The following PARP16 variants were observed in gnomAD, a reference collection of about 807,000 sequenced individuals.
PARP16 encodes the protein protein mono-ADP-ribosyltransferase PARP16.
Under a neutral mutation model 35.0 loss-of-function variants are expected in PARP16, and 31 were observed. The ratio of observed to expected loss-of-function variants is 0.88; its 90% CI spans 0.66 to 1.19. The LOEUF is 1.19. Ranked by LOEUF, PARP16 falls within the 50% of genes most tolerant of loss-of-function variation. The probability of loss-of-function intolerance (pLI) is 0.00; values close to 1 mark genes in which losing one functional copy is unlikely to be tolerated. For missense variants in PARP16, 424 were observed against 411.2 expected (o/e 1.03, Z -0.27); for synonymous variants, 162 against 169.5 (o/e 0.96, Z 0.34).
intron 3 of PARP16, among the ~76,000 whole-genome samples, chr15:65,236,852 G>A (rs1012923513): frequency 6.6e-6 from 1 of 151,780 alleles, no homozygotes; most frequent in African/African-American, 2.4e-5. Flanking sequence ...GGCACCTGTA[G>A]TCCCAGCTAC....
At chr15:65,250,162 G>A (rs1195279748) in intron 2 of PARP16, among the ~76,000 whole-genome samples, 1 of 136,606 alleles carries the variant, frequency 7.3e-6, no homozygotes, top group African/African-American at 2.9e-5. Flanking sequence ...CTGTTATCCA[G>A]GCTGGAGTGC....
At position 65,266,644 on chromosome 15, in the gene PARP16, T is replaced by A; in HGVS notation, c.437A>T (p.Asp146Val). Residue 146 changes from aspartate to valine, a missense_variant, in exon 3 of 6, where the codon GAC becomes GTC. Physicochemically the swap from Asp to Val is radical, Grantham distance 152. Transcript: ENST00000649807. ...AKFYETKGER[D>V]LIYAFHGSRL... ...GCTACCATGAAATGCATAGATTAGG[T>A]CTCGTTCTCCTTTGGTCTCATAAAA... 1.9e-6 allele frequency: 3 copies of A among 1,614,128 alleles called. No homozygotes were observed. Among genetic ancestry groups the A allele is most frequent in the Non-Finnish European group, 2.5e-6 (3 of 1,179,996 alleles).
At position 65,286,476 on chromosome 15, in the gene PARP16, G is replaced by T. The variant is rs751375140; in HGVS notation, c.-50C>A. The T allele has an allele frequency of 3.5e-5, 47 of 1,347,304 alleles. No homozygotes were observed. Among genetic ancestry groups the T allele is most frequent in the Non-Finnish European group, 4.3e-5 (45 of 1,036,202 alleles). 83.5% of individuals were successfully genotyped at this position (1,347,304 alleles called of 1,614,324 possible). A position where few individuals can be genotyped will look rare whatever the true frequency, so the allele number is the denominator to read the frequency against. On this transcript the variant is annotated 5_prime_UTR_variant, in exon 1 of 6. Coordinates refer to ENST00000649807, the MANE Select transcript of PARP16 (RefSeq NM_001316943.2). ...GTAGACGCGCTGGTTAGGGGCAAGG[G>T]CGAGCGTGCGTTCAGCGCGGGGGCT...
At chr15:65,244,581 C>T (rs1360181473) in intron 3 of PARP16, among the ~76,000 whole-genome samples, 1 of 152,198 alleles carries the variant, frequency 6.6e-6, no homozygotes, top group Non-Finnish European at 1.5e-5. Flanking sequence ...GTCCCTCCCA[C>T]AACACATGGG....
intron 1 of PARP16, among the ~76,000 whole-genome samples, chr15:65,277,369 T>C (rs1447274232): frequency 6.6e-6 from 1 of 152,196 alleles, no homozygotes; most frequent in Non-Finnish European, 1.5e-5. Flanking sequence ...AACTCATATC[T>C]GGTTGGGACA....
downstream of PARP16, among the ~76,000 whole-genome samples, chr15:65,256,639 C>A (rs907845738): frequency 4.6e-5 from 7 of 152,012 alleles, no homozygotes; most frequent in Non-Finnish European, 8.8e-5. Flanking sequence ...AATCTCCTGA[C>A]GTCGTGATCC....
chr15:65,273,876 C>CAAA (rs5813343), intron 1 of PARP16, among the ~76,000 whole-genome samples: 14 of 137,272 alleles, frequency 1.0e-4, no homozygotes, highest in Admixed American at 1.5e-4. Context: ...AACTCTGTTT[C>CAAA]AAAAAAAAAA....
At chr15:65,257,472 A>T (rs1260368959), downstream of PARP16, among the ~76,000 whole-genome samples, 1 of 151,560 alleles carries the variant, frequency 6.6e-6, no homozygotes, top group Admixed American at 6.6e-5. Flanking sequence ...TAAAAATAAA[A>T]ATACAAAAAT....
chr15:65,237,215 C>T (rs1448629322), intron 3 of PARP16, among the ~76,000 whole-genome samples: 6 of 152,068 alleles, frequency 3.9e-5, no homozygotes, highest in Non-Finnish European at 8.8e-5. Context: ...CCTATACCTC[C>T]TTGCCTGAGA....
chr15:65,237,577 A>C (rs2088919521), intron 3 of PARP16, among the ~76,000 whole-genome samples: 1 of 152,106 alleles, frequency 6.6e-6, no homozygotes, highest in Non-Finnish European at 1.5e-5. Context: ...TAGTGTGACC[A>C]CAGAGAGGGA....
chr15:65,247,316 ATTATT>A (rs373366873), intron 3 of PARP16, among the ~76,000 whole-genome samples: 29 of 152,224 alleles, frequency 1.9e-4, no homozygotes, highest in African/African-American at 7.0e-4. Context: ...CTTTACACAC[ATTATT>A]TTATTTAATC....
At chr15:65,279,483 C>T (rs142801758) in intron 1 of PARP16, among the ~76,000 whole-genome samples, 1 of 152,122 alleles carries the variant, frequency 6.6e-6, no homozygotes. Flanking sequence ...TAGCTGATAT[C>T]TTTCTAGACA....
chr15:65,277,405 T>G (rs2090291114), intron 1 of PARP16, among the ~76,000 whole-genome samples: 1 of 152,192 alleles, frequency 6.6e-6, no homozygotes, highest in Non-Finnish European at 1.5e-5. Context: ...CAACCACATC[T>G]TACTTACCCT....
At chr15:65,263,966 G>T (rs1452893658) in intron 3 of PARP16, among the ~76,000 whole-genome samples, 1 of 151,946 alleles carries the variant, frequency 6.6e-6, no homozygotes, top group African/African-American at 2.4e-5. Flanking sequence ...ACTTGGAAAA[G>T]AAATGAGTCT....
At chr15:65,278,043 C>T (rs2090309359) in intron 1 of PARP16, among the ~76,000 whole-genome samples, 1 of 152,178 alleles carries the variant, frequency 6.6e-6, no homozygotes, top group Admixed American at 6.5e-5. Context: ...GGGAGGGTTT[C>T]CCACTCCAGG....
rs761703281 is a variant in PARP16, at chr15:65,271,073, C to G, written c.175-1G>C. ...TAGGTAACTTGCTGGCATCTGCAAG[C>G]TGAAGCGACGGAAGAACTTCCATTA... is the stretch of plus-strand genomic sequence containing the variant. On this transcript the variant is annotated splice_acceptor_variant, in intron 1 of 5. Coordinates refer to ENST00000649807, the MANE Select transcript of PARP16 (RefSeq NM_001316943.2). LOFTEE classifies it high-confidence loss of function. The G allele has an allele frequency of 6.2e-7, 1 of 1,614,036 alleles. No individual in the cohort carries two copies. Among genetic ancestry groups the G allele is most frequent in the Non-Finnish European group, 8.5e-7 (1 of 1,179,950 alleles).
At chr15:65,239,823 A>T (rs1323375513) in intron 3 of PARP16, among the ~76,000 whole-genome samples, 1 of 146,766 alleles carries the variant, frequency 6.8e-6, no homozygotes, top group African/African-American at 2.5e-5. Context: ...CGCCTGGCTA[A>T]TTTTTTGTAT....
At chr15:65,276,981 TAA>T (rs566620242) in intron 1 of PARP16, among the ~76,000 whole-genome samples, 12 of 139,650 alleles carry the variant, frequency 8.6e-5, no homozygotes, top group Admixed American at 2.2e-4. Context: ...AAACTTCATC[TAA>T]AAAAAAAAAA....
downstream of PARP16, among the ~76,000 whole-genome samples, chr15:65,256,598 G>A (rs1165700897): frequency 4.6e-5 from 7 of 151,912 alleles, no homozygotes; most frequent in African/African-American, 1.4e-4. Flanking sequence ...TAGTAGAGAC[G>A]GGGTTTCACC....
Sources: gnomAD v4.1 joint callset for allele counts (sites outside exome capture counted in the v4.1 genomes callset) on GRCh38, gnomAD v4.1.1 for gene constraint, MANE v1.5 for transcripts, NCBI Gene and HGNC (gene_info 2026-07-23, HGNC 2026-07-21) for gene names.